Variants in FKBP8 observed in about 807,000 individuals in gnomAD.
The protein encoded by FKBP8 is peptidyl-prolyl cis-trans isomerase FKBP8.
FKBP8 carries 5 observed loss-of-function variants against 41.7 expected under a neutral mutation model. The ratio of observed to expected loss-of-function variants is 0.12; its 90% CI spans 0.06 to 0.25. The LOEUF is 0.25. FKBP8 is among the 10% of genes least tolerant of loss of function. The pLI, the probability that FKBP8 is intolerant of heterozygous loss-of-function variation, is 1.00. For synonymous variants in FKBP8, 279 were observed against 254.5 expected (o/e 1.10, Z -0.92); for missense variants, 397 against 563.0 (o/e 0.71, Z 2.98).
Position 18,538,201 on chromosome 19 carries a change from G to T in FKBP8, c.772+15C>A. ...TTTGCAGGGGAGATGGTGGAGATCT[G>T]ACCCAGGCGGTCACCTTTGGCGCTG... On this transcript the variant is annotated intron_variant, in intron 5 of 8. Transcript: ENST00000608443. This position sits in a 1 kb window ranked among gnomAD's most constrained non-coding sequence, Gnocchi z 4.0. 1 of 1,592,908 alleles carries T rather than the reference G, an allele frequency of 6.3e-7. No individual in the cohort carries two copies. Among genetic ancestry groups the T allele is most frequent in the South Asian group, 1.1e-5 (1 of 88,820 alleles).
chr19:18,542,805 C>G, intron 1 of FKBP8: 1 of 918,608 alleles, frequency 1.1e-6, no homozygotes, highest in South Asian at 1.4e-5. Context: ...AATAACCAAC[C>G]CCTCCGTCCC....
intron 1 of FKBP8, chr19:18,542,910 G>A: frequency 2.3e-6 from 3 of 1,280,184 alleles, no homozygotes; most frequent in Non-Finnish European, 3.0e-6. Context: ...CCCGGGCTCG[G>A]AGCCCCACTT....
chr19:18,542,131 G>A, intron 1 of FKBP8, 136 bp from the exon 2 acceptor site: 1 of 1,329,152 alleles, frequency 7.5e-7, no homozygotes, highest in Non-Finnish European at 9.9e-7. Flanking sequence ...CATCTATACA[G>A]TGGGTGTAAC....
rs1165932658 is a variant in FKBP8, at chr19:18,538,808, C to CTTTT, written c.552-376_552-373dup. On this transcript the variant is annotated intron_variant, in intron 4 of 8. Coordinates refer to ENST00000608443, the MANE Select transcript of FKBP8 (RefSeq NM_012181.5). The surrounding 1 kb of genome is among the most constrained non-coding windows in gnomAD (Gnocchi z 4.0). ...GACTACAGGTGTGCACCACACCCAG[C>CTTTT]TTTTTTTTTTTTTTTTTTTTTTTTT... Among the ~76,000 whole-genome samples the CTTTT allele has an allele frequency of 2.0e-5, 2 of 102,190 alleles. No homozygotes were observed. The highest frequency in any genetic ancestry group is 3.6e-5 in the Non-Finnish European group (2 of 55,786). The allele number at this position is 102,190 out of a possible 152,430, so 67.0% of individuals were successfully genotyped here.
rs11574806 is a variant in FKBP8, at chr19:18,541,711, G to A, written c.260C>T (p.Ala87Val). ...GTCCAGCCACTCTTCTGGGGCCGGG[G>A]CTGGGGCGGGCTCGGGCTCCATGGC... is the stretch of plus-strand genomic sequence containing the variant. Reference protein sequence around the residue: ...LAAMEPEPAPAPAPEEWLDIL... With the variant: ...LAAMEPEPAPVPAPEEWLDIL... The change falls in exon 2 of 9, where the codon GCC becomes GTC. Residue 87 changes from alanine (A) to valine (V), a missense_variant. Around this residue, in one of 2 missense-constraint regions of FKBP8, gnomAD observed 172 missense variants for 196.2 expected, o/e 0.88. Coordinates refer to ENST00000608443, the MANE Select transcript of FKBP8 (RefSeq NM_012181.5). The A allele has an allele frequency of 0.023, 36,643 of 1,612,440 alleles. 3,689 individuals are homozygous for A. In the African/African-American group the frequency reaches 0.31, roughly 13 times the overall value.
At position 18,533,330 on chromosome 19, in the gene FKBP8, C is replaced by T. The variant is rs1168211698; in HGVS notation, c.963G>A (p.Gly321=). 6.2e-7 allele frequency: 1 copy of T among 1,605,788 alleles called. No individual in the cohort carries two copies. The highest frequency in any genetic ancestry group is 1.3e-5 in the African/African-American group (1 of 74,988). ...GGATGGGGATGGCCTCACTGTACTC[C>T]CCCTGCTGGGCCAGCACCTGTAAGG... The part of the protein sequence containing the change: ...FRKGKVLAQQ[G]EYSEAIPILR... The change falls in exon 7 of 9, where the codon GGG becomes GGA. Residue 321 remains glycine, a synonymous_variant. Coordinates refer to ENST00000608443, the MANE Select transcript of FKBP8 (RefSeq NM_012181.5).
rs1976460849 is a variant in FKBP8 at position 18,532,066 on chromosome 19, A to T, written c.*103T>A. ...AATCCTTGCTCCCCTAACCCGGAGG[A>T]GGGGGCCAGACCAGGGAGGGCAGTG... On this transcript the variant is annotated 3_prime_UTR_variant, in exon 9 of 9. Transcript: ENST00000608443. 1 of 1,016,848 alleles carries T rather than the reference A, an allele frequency of 9.8e-7. No homozygotes were observed. The highest frequency in any genetic ancestry group is 1.5e-6 in the Non-Finnish European group (1 of 668,010). 63.0% of individuals were successfully genotyped at this position (1,016,848 alleles called of 1,614,324 possible).
rs1235588985 is a variant in FKBP8 at position 18,538,963 on chromosome 19, C to T, written c.551+408G>A. 6.6e-6 allele frequency among the ~76,000 whole-genome samples: 1 copy of T among 151,944 alleles called. No individual in the cohort carries two copies. Among genetic ancestry groups the T allele is most frequent in the Admixed American group, 6.6e-5 (1 of 15,214 alleles). On this transcript the variant is annotated intron_variant, in intron 4 of 8. Coordinates refer to ENST00000608443, the MANE Select transcript of FKBP8 (RefSeq NM_012181.5). The surrounding 1 kb of genome is among the most constrained non-coding windows in gnomAD (Gnocchi z 4.0). ...CAGAGTAGCTGGGACTACAGGCACCCACCACCACGCCTGGCTAATTTTTTG... is the reference window on the plus strand; with the variant it reads ...CAGAGTAGCTGGGACTACAGGCACCTACCACCACGCCTGGCTAATTTTTTG...
At chr19:18,533,134 G>A in intron 7 of FKBP8, 136 bp downstream of exon 7, 5 of 828,616 alleles carry the variant, frequency 6.0e-6, no homozygotes, top group Non-Finnish European at 9.2e-6. Context: ...AAGCTGACCA[G>A]GACCCTTCAG....
At chr19:18,533,104 G>A in intron 7 of FKBP8, 166 bp downstream of exon 7, 1 of 701,752 alleles carries the variant, frequency 1.4e-6, no homozygotes, top group African/African-American at 1.8e-5. Flanking sequence ...TGCCTGTGTG[G>A]CCGTCATGAG....
chr19:18,534,969 G>A (rs1976540536), intron 6 of FKBP8, among the ~76,000 whole-genome samples: 1 of 151,984 alleles, frequency 6.6e-6, no homozygotes, highest in South Asian at 2.1e-4. Context: ...ATTTTTAGTA[G>A]AGACAGGGTT....
At chr19:18,540,207 G>A (rs929300378) in intron 2 of FKBP8, among the ~76,000 whole-genome samples, 4 of 152,042 alleles carry the variant, frequency 2.6e-5, no homozygotes, top group Non-Finnish European at 2.9e-5. Flanking sequence ...TTTGGGCCTC[G>A]GTTTACCCAG....
At chr19:18,540,559 C>A (rs1414170125) in intron 2 of FKBP8, among the ~76,000 whole-genome samples, 1 of 152,038 alleles carries the variant, frequency 6.6e-6, no homozygotes, top group East Asian at 1.9e-4. Flanking sequence ...CATGGTGAGA[C>A]CCTGTCTCCA....
In FKBP8 at chr19:18,538,065, C is replaced by A. The variant is rs1235082533; in HGVS notation, c.772+151G>T. On this transcript the variant is annotated intron_variant, in intron 5 of 8. Coordinates refer to ENST00000608443, the MANE Select transcript of FKBP8 (RefSeq NM_012181.5). This position sits in a 1 kb window ranked among gnomAD's most constrained non-coding sequence, Gnocchi z 4.0. ...TCTGGGATATACCACGAGTCTGTAA[C>A]AGGCCCTAGCTTAGGGGCAGTTGGG... is the stretch of plus-strand genomic sequence containing the variant. 4.0e-5 allele frequency: 34 copies of A among 846,226 alleles called. No homozygotes were observed. The highest frequency in any genetic ancestry group is 6.1e-5 in the Non-Finnish European group (33 of 538,050). The allele number at this position is 846,226 out of a possible 1,614,324, so 52.4% of individuals were successfully genotyped here. A position where few individuals can be genotyped will look rare whatever the true frequency, so the allele number is the denominator to read the frequency against.
intron 7 of FKBP8, 98 bp from the exon 8 acceptor site, chr19:18,532,893 T>C (rs2145182858): frequency 1.3e-6 from 2 of 1,537,712 alleles, no homozygotes; most frequent in South Asian, 1.2e-5. Context: ...GTGGTGGGAC[T>C]GTTGGGACAC....
intron 1 of FKBP8, chr19:18,542,390 CT>C (rs1976724175): frequency 1.5e-5 from 3 of 193,768 alleles, no homozygotes. Flanking sequence ...GGCCCTGTGG[CT>C]TTGCCTGATT....
At chr19:18,533,142 C>T in intron 7 of FKBP8, 128 bp downstream of exon 7, 1 of 879,558 alleles carries the variant, frequency 1.1e-6, no homozygotes, top group African/African-American at 1.7e-5. Context: ...CAGGACCCTT[C>T]AGGTACCTAC....
At chr19:18,535,032 G>A (rs1447814318) in intron 6 of FKBP8, among the ~76,000 whole-genome samples, 2 of 152,036 alleles carry the variant, frequency 1.3e-5, no homozygotes, top group Non-Finnish European at 2.9e-5. Flanking sequence ...TGATCCACCT[G>A]CCTCAGCCTC....
chr19:18,537,588 CG>C lies in FKBP8; in HGVS notation c.945+12del. On this transcript the variant is annotated intron_variant, in intron 6 of 8. Transcript: ENST00000608443. The surrounding 1 kb of genome is among the most constrained non-coding windows in gnomAD (Gnocchi z 4.4). ...GGCTGAGTGACCCGGCCTGGCACCC[CG>C]GTGTGGCCTACCTTGCCCTTGCGGA... 4.5e-6 allele frequency: 7 copies of C among 1,572,680 alleles called. No individual in the cohort carries two copies. The highest frequency in any genetic ancestry group is 6.1e-6 in the Non-Finnish European group (7 of 1,156,598).
Sources: allele counts gnomAD v4.1 joint callset (sites outside exome capture counted in the v4.1 genomes callset), GRCh38; gene constraint gnomAD v4.1.1; regional missense constraint gnomAD v4.1.1; non-coding constraint Gnocchi (gnomAD v3.1); transcripts MANE v1.5; gene names NCBI Gene and HGNC (gene_info 2026-07-23, HGNC 2026-07-21).